Variants in LINGO2 observed in about 807,000 individuals in gnomAD.
LINGO2 encodes leucine-rich repeat and immunoglobulin-like domain-containing nogo receptor-interacting protein 2.
Under a neutral mutation model 30.6 loss-of-function variants are expected in LINGO2, and 14 were observed. The observed-to-expected ratio is 0.46, with a 90% CI of 0.30 to 0.72. The LOEUF is 0.72. Among genes scored for constraint, LINGO2 ranks in the 30% least tolerant of loss-of-function variants. The probability of loss-of-function intolerance (pLI) is 0.07; values close to 1 mark genes in which losing one functional copy is unlikely to be tolerated. For synonymous variants in LINGO2, 317 were observed against 288.5 expected (o/e 1.10, Z -1.00); for missense variants, 729 against 751.7 (o/e 0.97, Z 0.35).
chr9:28,765,122 T>G, the LINGO2 span, among the ~76,000 whole-genome samples: 1 of 152,130 alleles, frequency 6.6e-6, no homozygotes, highest in East Asian at 1.9e-4. Context: ...AATAGTATTT[T>G]ATACAGAAAT....
the LINGO2 span, among the ~76,000 whole-genome samples, chr9:28,717,622 C>T: frequency 6.6e-6 from 1 of 152,050 alleles, no homozygotes; most frequent in Non-Finnish European, 1.5e-5. Context: ...CCAATGAATT[C>T]ATAGACACAT....
At chr9:28,994,273 T>C in the LINGO2 span, among the ~76,000 whole-genome samples, 1 of 152,092 alleles carries the variant, frequency 6.6e-6, no homozygotes, top group African/African-American at 2.4e-5. Flanking sequence ...TCACAATTGC[T>C]TCAAAGAGAA....
intron 4 of LINGO2, among the ~76,000 whole-genome samples, chr9:28,026,205 GC>G (rs1823368230): frequency 1.3e-5 from 2 of 152,240 alleles, no homozygotes; most frequent in African/African-American, 4.8e-5. Flanking sequence ...GTGTACTCAT[GC>G]CCTTTTTGTT....
intron 1 of LINGO2, among the ~76,000 whole-genome samples, chr9:28,663,092 C>A (rs894082139): frequency 2.6e-5 from 4 of 151,998 alleles, no homozygotes; most frequent in African/African-American, 9.7e-5. Flanking sequence ...CAAAAAAAGT[C>A]ATCTAAATTC....
intron 4 of LINGO2, among the ~76,000 whole-genome samples, chr9:28,179,284 A>AG (rs1447784219): frequency 6.8e-6 from 1 of 146,252 alleles, no homozygotes; most frequent in African/African-American, 2.5e-5. Context: ...AATACTATAT[A>AG]TATACCATAT....
At chr9:29,052,518 C>A in the LINGO2 span, among the ~76,000 whole-genome samples, 1 of 152,142 alleles carries the variant, frequency 6.6e-6, no homozygotes, top group Non-Finnish European at 1.5e-5. Context: ...TTTCAGAAAT[C>A]TACTTTTGAA....
chr9:28,373,001 T>A (rs1385696588), intron 2 of LINGO2, 133 bp from the exon 5 acceptor site: 1 of 89,434 alleles, frequency 1.1e-5, no homozygotes, highest in African/African-American at 3.9e-5. Flanking sequence ...GAAAGAAGCA[T>A]TTAACTACAG....
intron 3 of LINGO2, among the ~76,000 whole-genome samples, chr9:28,314,213 C>T (rs556435080): frequency 2.0e-5 from 3 of 152,174 alleles, no homozygotes; most frequent in African/African-American, 4.8e-5. Context: ...GGATTACAGG[C>T]GTGAGCCACC....
chr9:28,481,780 C>G lies in LINGO2; in HGVS notation c.-364-5755G>C, dbSNP rs1013240393. 5.3e-5 allele frequency among the ~76,000 whole-genome samples: 8 copies of G among 151,534 alleles called. No homozygotes were observed. In the East Asian group the frequency reaches 1.2e-3, roughly 22 times the overall value. On this transcript the variant is annotated intron_variant, in intron 1 of 5. Transcript: ENST00000379992. Reference sequence around the variant, plus strand: ...CAATGCTATCCCTCCCTCCTCCCCCCACCCCACAACAGTCCCCAGAGTGTG... The same window carrying G: ...CAATGCTATCCCTCCCTCCTCCCCCGACCCCACAACAGTCCCCAGAGTGTG...
chr9:28,863,360 C>T, the LINGO2 span, among the ~76,000 whole-genome samples: 24 of 151,926 alleles, frequency 1.6e-4, no homozygotes, highest in Non-Finnish European at 3.1e-4. Flanking sequence ...AGAAATATTA[C>T]AAATTACTTT....
At chr9:28,200,969 C>G (rs1820209415) in intron 4 of LINGO2, among the ~76,000 whole-genome samples, 1 of 150,528 alleles carries the variant, frequency 6.6e-6, no homozygotes. Context: ...TGGTTACTAA[C>G]TTTAATTACT....
intron 5 of LINGO2, among the ~76,000 whole-genome samples, chr9:27,962,036 T>C (rs1819872977): frequency 6.6e-6 from 1 of 152,172 alleles, no homozygotes; most frequent in Non-Finnish European, 1.5e-5. Context: ...TAATGACTTT[T>C]CCACTCCTTA....
At chr9:28,790,328 T>TC in the LINGO2 span, among the ~76,000 whole-genome samples, 9 of 110,114 alleles carry the variant, frequency 8.2e-5, no homozygotes, top group Admixed American at 3.8e-4. Flanking sequence ...TTTCTTTCTT[T>TC]TTTTTTTTTT....
intron 2 of LINGO2, among the ~76,000 whole-genome samples, chr9:28,392,137 A>G (rs1821865336): frequency 6.6e-6 from 1 of 152,198 alleles, no homozygotes; most frequent in Admixed American, 6.5e-5. Flanking sequence ...CAGGAGGTAG[A>G]GCTTGCAGTG....
At chr9:29,084,181 G>C in the LINGO2 span, among the ~76,000 whole-genome samples, 1 of 127,702 alleles carries the variant, frequency 7.8e-6, no homozygotes, top group Non-Finnish European at 1.6e-5. Context: ...AATAAACCTA[G>C]ATTATTCTAC....
chr9:28,952,353 T>C, the LINGO2 span, among the ~76,000 whole-genome samples: 2 of 152,144 alleles, frequency 1.3e-5, no homozygotes, highest in Non-Finnish European at 2.9e-5. Context: ...TGTTTCTTAG[T>C]TTTTTCATCT....
At chr9:28,988,137 T>A in the LINGO2 span, among the ~76,000 whole-genome samples, 1 of 152,224 alleles carries the variant, frequency 6.6e-6, no homozygotes, top group Non-Finnish European at 1.5e-5. Context: ...TATTAAAGTT[T>A]CCTATTATCA....
At chr9:28,495,644 G>T (rs1300665162) in intron 1 of LINGO2, among the ~76,000 whole-genome samples, 1 of 152,102 alleles carries the variant, frequency 6.6e-6, no homozygotes, top group Non-Finnish European at 1.5e-5. Context: ...TTGAAGTCAG[G>T]TGTCTCTATT....
At chr9:28,332,396 G>A (rs984292857) in intron 3 of LINGO2, among the ~76,000 whole-genome samples, 1 of 152,064 alleles carries the variant, frequency 6.6e-6, no homozygotes, top group African/African-American at 2.4e-5. Context: ...AGACTCACAT[G>A]GAAGGTTTCT....
Sources: gnomAD v4.1 joint callset for allele counts (sites outside exome capture counted in the v4.1 genomes callset) on GRCh38, gnomAD v4.1.1 for gene constraint, MANE v1.5 for transcripts, NCBI Gene and HGNC (gene_info 2026-07-23, HGNC 2026-07-21) for gene names.